Variants in ANKRD13A observed in about 807,000 individuals in gnomAD.
ANKRD13A encodes ankyrin repeat domain-containing protein 13A.
ANKRD13A carries 48 observed loss-of-function variants against 81.3 expected under a neutral mutation model. The observed-to-expected ratio is 0.59, with a 90% confidence interval of 0.47 to 0.75. ANKRD13A has a LOEUF of 0.75. Among genes scored for constraint, ANKRD13A ranks in the 30% least tolerant of loss-of-function variants. The pLI is 0.00. For missense variants in ANKRD13A, 612 were observed against 734.0 expected, an observed-to-expected ratio of 0.83 and a Z score of 1.92; for synonymous variants, 230 against 270.1, an observed-to-expected ratio of 0.85 and a Z score of 1.45.
intron 6 of ANKRD13A, among the ~76,000 whole-genome samples, chr12:110,022,915 A>G (rs2137140147): frequency 6.6e-6 from 1 of 152,334 alleles, no homozygotes; most frequent in Middle Eastern, 3.4e-3. Context: ...CTAGTAGGAA[A>G]ATGGGAGCTC....
chr12:110,037,297 T>C (rs143598284), intron 14 of ANKRD13A, 62 bp from the exon 15 acceptor site: 1 of 1,503,954 alleles, frequency 6.6e-7, no homozygotes, highest in East Asian at 2.3e-5. Context: ...GAAATGTAGT[T>C]ACTGCTGCCA....
chr12:110,033,055 C>CTTTT (rs1195852066), intron 12 of ANKRD13A, among the ~76,000 whole-genome samples: 3 of 130,478 alleles, frequency 2.3e-5, no homozygotes, highest in Non-Finnish European at 1.7e-5. Flanking sequence ...TTTTCTTTTT[C>CTTTT]TTTTTTTTTT....
At position 110,029,561 on chromosome 12, in the gene ANKRD13A, G is replaced by C. The variant is rs755427453; in HGVS notation, c.1160G>C (p.Arg387Pro). ...ATTCCCATCATTGACCTAATGGCTC[G>C]AACGAGTGCTCATTTTGCAAGACTG... is the stretch of plus-strand genomic sequence containing the variant. ...QVIPIIDLMA[R>P]TSAHFARLRD... is the part of the protein sequence containing the mutation. The change falls in exon 11 of 15, where the codon CGA becomes CCA. Residue 387 changes from arginine (R) to proline (P), a missense_variant. Coordinates refer to ENST00000261739, the MANE Select transcript of ANKRD13A (RefSeq NM_033121.2). 1.9e-6 allele frequency: 3 copies of C among 1,613,684 alleles called. No homozygotes were observed. Among genetic ancestry groups the C allele is most frequent in the Admixed American group, 1.7e-5 (1 of 59,970 alleles).
At chr12:110,001,724 T>A (rs560464580) in intron 1 of ANKRD13A, among the ~76,000 whole-genome samples, 1 of 152,012 alleles carries the variant, frequency 6.6e-6, no homozygotes, top group Non-Finnish European at 1.5e-5. Context: ...CCGGCCTTTT[T>A]TCATTTAAAA....
At chr12:110,001,702 G>A (rs951230856) in intron 1 of ANKRD13A, among the ~76,000 whole-genome samples, 2 of 152,100 alleles carry the variant, frequency 1.3e-5, no homozygotes, top group African/African-American at 2.4e-5. Flanking sequence ...TTACAGGCAT[G>A]AGCCACTGTT....
intron 12 of ANKRD13A, among the ~76,000 whole-genome samples, chr12:110,033,055 C>CTTTTTTTTT (rs1195852066): frequency 1.5e-5 from 2 of 130,478 alleles, no homozygotes; most frequent in African/African-American, 2.8e-5. Context: ...TTTTCTTTTT[C>CTTTTTTTTT]TTTTTTTTTT....
At chr12:110,013,771 C>CA (rs1205726219) in intron 3 of ANKRD13A, among the ~76,000 whole-genome samples, 1 of 151,946 alleles carries the variant, frequency 6.6e-6, no homozygotes, top group African/African-American at 2.4e-5. Context: ...GTCTGGGTGA[C>CA]AGAGCAAGAC....
chr12:110,027,134 A>G (rs901217240), intron 8 of ANKRD13A: 1 of 152,594 alleles, frequency 6.6e-6, no homozygotes, highest in Admixed American at 6.5e-5. Flanking sequence ...AAAACATTGC[A>G]TGTGGTTGCC....
At chr12:110,009,712 T>C (rs913372769) in intron 1 of ANKRD13A, among the ~76,000 whole-genome samples, 1 of 152,230 alleles carries the variant, frequency 6.6e-6, no homozygotes, top group African/African-American at 2.4e-5. Flanking sequence ...GTTACAATTA[T>C]CCAAGAAATG....
At chr12:110,013,389 A>T (rs1447255906) in intron 3 of ANKRD13A, 140 bp downstream of exon 3, 1 of 1,067,028 alleles carries the variant, frequency 9.4e-7, no homozygotes, top group Non-Finnish European at 1.3e-6. Flanking sequence ...CAATCACATT[A>T]TTCCTTGCCC....
chr12:110,010,126 C>T (rs1281898006), intron 1 of ANKRD13A, among the ~76,000 whole-genome samples: 4 of 152,290 alleles, frequency 2.6e-5, no homozygotes, highest in East Asian at 3.9e-4. Context: ...CTCGGCCTCC[C>T]GAAGTGCTGG....
intron 1 of ANKRD13A, among the ~76,000 whole-genome samples, chr12:110,007,791 G>A (rs182049873): frequency 1.3e-5 from 2 of 152,252 alleles, no homozygotes; most frequent in Non-Finnish European, 2.9e-5. Context: ...TGCTATTATA[G>A]ATGGAATTGT....
At chr12:110,021,425 CTTTTTT>C in intron 6 of ANKRD13A, 3 of 129,452 alleles carry the variant, frequency 2.3e-5, no homozygotes, top group East Asian at 2.1e-4. Flanking sequence ...TTTTTTCTTT[CTTTTTT>C]TTTTTTTTTT....
intron 1 of ANKRD13A, among the ~76,000 whole-genome samples, chr12:110,006,648 G>T (rs2137084800): frequency 6.6e-6 from 1 of 152,068 alleles, no homozygotes; most frequent in East Asian, 1.9e-4. Flanking sequence ...CTAGGCTGGA[G>T]TGCAATGGTG....
rs746086710 is a variant in ANKRD13A at position 110,033,846 on chromosome 12, C to A, written c.1398C>A (p.Pro466=). The part of the protein sequence containing the change: ...FEVDQSVFEI[P]ESYYVQDNGR... ...TTGATCAATCTGTGTTTGAAATTCC[C>A]GAATCTTACTATGTTCAAGACAATG... The change falls in exon 13 of 15, where the codon CCC becomes CCA. Residue 466 remains proline, a synonymous_variant. Transcript: ENST00000261739. 6.2e-7 allele frequency: 1 copy of A among 1,610,040 alleles called. No homozygotes were observed.
At chr12:110,029,751 T>C in intron 11 of ANKRD13A, 116 bp downstream of exon 11, 1 of 1,211,078 alleles carries the variant, frequency 8.3e-7, no homozygotes, top group Non-Finnish European at 1.2e-6. Flanking sequence ...AAGTAGCTTA[T>C]AGACATAACA....
At chr12:110,034,594 G>T (rs1259263856) in intron 13 of ANKRD13A, among the ~76,000 whole-genome samples, 1 of 152,140 alleles carries the variant, frequency 6.6e-6, no homozygotes, top group Non-Finnish European at 1.5e-5. Flanking sequence ...GCACCACTGT[G>T]CCCAGTAGAA....
chr12:110,036,236 T>C lies in ANKRD13A; in HGVS notation c.1510-25T>C. On this transcript the variant is annotated intron_variant, in intron 13 of 14. Coordinates refer to ENST00000261739, the MANE Select transcript of ANKRD13A (RefSeq NM_033121.2). The surrounding 1 kb of genome is among the most constrained non-coding windows in gnomAD (Gnocchi z 4.6). ...ACCAATTTCTCCTAAGACGTATTCA[T>C]GTCTATCACATTTGTCTTTGCCAGG... 1 of 1,609,388 alleles carries C rather than the reference T, an allele frequency of 6.2e-7. No homozygotes were observed. The highest frequency in any genetic ancestry group is 8.5e-7 in the Non-Finnish European group (1 of 1,175,818).
rs1889834973 is a variant in ANKRD13A at position 109,999,637 on chromosome 12, C to G, written c.-52C>G. 3 of 1,445,792 alleles carry G rather than the reference C, an allele frequency of 2.1e-6. No individual in the cohort carries two copies. The East Asian group carries it at 8.6e-5, about 41-fold the overall frequency. The allele number at this position is 1,445,792 out of a possible 1,614,324, so 89.6% of individuals were successfully genotyped here. A position where few individuals can be genotyped will look rare whatever the true frequency, so the allele number is the denominator to read the frequency against. On this transcript the variant is annotated 5_prime_UTR_variant, in exon 1 of 15. Transcript: ENST00000261739. The surrounding 1 kb of genome is among the most constrained non-coding windows in gnomAD (Gnocchi z 4.3). ...GGCAGGCGGGCGCGGGAGACCCCGC[C>G]GGGGCCGAGACTTGGGGCGGGCGAC...
Sources: gnomAD v4.1 joint callset for allele counts (sites outside exome capture counted in the v4.1 genomes callset) on GRCh38, gnomAD v4.1.1 for gene constraint, Gnocchi (gnomAD v3.1) non-coding constraint, MANE v1.5 for transcripts, NCBI Gene and HGNC (gene_info 2026-07-23, HGNC 2026-07-21) for gene names.